The following CLVS1 variants were observed in gnomAD, a reference collection of about 807,000 sequenced individuals.
CLVS1 encodes the protein clavesin-1.
Under a neutral mutation model 33.1 loss-of-function variants are expected in CLVS1, and 10 were observed. The ratio of observed to expected loss-of-function variants is 0.30; its 90% CI spans 0.19 to 0.51. CLVS1 has a LOEUF of 0.51. Ranked by LOEUF, CLVS1 falls within the 20% of genes least tolerant of loss-of-function variation. The probability of loss-of-function intolerance (pLI) is 0.97; values close to 1 mark genes in which losing one functional copy is unlikely to be tolerated. For synonymous variants in CLVS1, 163 were observed against 166.1 expected (o/e 0.98, Z 0.14); for missense variants, 343 against 433.4 (o/e 0.79, Z 1.85).
At position 61,481,215 on chromosome 8, in the gene CLVS1, T is replaced by A. The variant is rs553181379; in HGVS notation, c.978-18240T>A. Among the ~76,000 whole-genome samples, 3 of 152,148 alleles carry A rather than the reference T, an allele frequency of 2.0e-5. No homozygotes were observed. The East Asian group carries it at 5.8e-4, about 29-fold the overall frequency. On this transcript the variant is annotated intron_variant, in intron 5 of 5. Transcript: ENST00000325897. ...ATCTCCCTGAGCCCTAGCTCTGCAATTTGGTGTATAAAAAATAAAATAGGG... is the reference window on the plus strand; with the variant it reads ...ATCTCCCTGAGCCCTAGCTCTGCAAATTGGTGTATAAAAAATAAAATAGGG...
intron 3 of CLVS1, among the ~76,000 whole-genome samples, chr8:61,406,810 T>C (rs1295092116): frequency 6.6e-6 from 1 of 152,168 alleles, no homozygotes; most frequent in African/African-American, 2.4e-5. Context: ...GGTTTCACTG[T>C]GTTGCCCAGG....
chr8:61,088,254 C>T (rs996307410), intron 1 of CLVS1, among the ~76,000 whole-genome samples: 9 of 152,024 alleles, frequency 5.9e-5, no homozygotes, highest in South Asian at 4.2e-4. Flanking sequence ...TTTGGGAGAC[C>T]GAGGTGGGCA....
chr8:61,376,284 T>G (rs2129601539), intron 2 of CLVS1, among the ~76,000 whole-genome samples: 1 of 152,114 alleles, frequency 6.6e-6, no homozygotes, highest in East Asian at 1.9e-4. Flanking sequence ...GGGAGAAAGA[T>G]GGGTAAGGGA....
At chr8:61,119,411 C>G (rs1191799154) in intron 1 of CLVS1, among the ~76,000 whole-genome samples, 1 of 149,064 alleles carries the variant, frequency 6.7e-6, no homozygotes, top group Non-Finnish European at 1.5e-5. Context: ...TTGATCCTGT[C>G]ATTATGATGT....
rs570692877 is a variant in CLVS1 at position 61,500,163 on chromosome 8, A to G, written c.*621A>G. The G allele has an allele frequency of 6.5e-6, 1 of 152,712 alleles. No homozygotes were observed. The highest frequency in any genetic ancestry group is 1.9e-4 in the East Asian group (1 of 5,192). The allele number at this position is 152,712 out of a possible 1,614,324, so 9.5% of individuals were successfully genotyped here. On this transcript the variant is annotated 3_prime_UTR_variant, in exon 6 of 6. Transcript: ENST00000325897. ...CTGCAAAAAATTATTTTGATGTCAC[A>G]TCTCTTGTCAGGTCACTAGCTGACT...
chr8:61,038,747 CA>C, the CLVS1 span, among the ~76,000 whole-genome samples: 584 of 152,254 alleles, frequency 3.8e-3, no homozygotes, highest in Non-Finnish European at 6.2e-3. Flanking sequence ...GCCTGTTCAT[CA>C]AAGCCATTTC....
At chr8:61,240,725 C>CTTTCATTA (rs1554549246) in intron 2 of CLVS1, among the ~76,000 whole-genome samples, 44 of 152,022 alleles carry the variant, frequency 2.9e-4, no homozygotes, top group African/African-American at 8.2e-4. Flanking sequence ...AATACTAACA[C>CTTTCATTA]TTTTATTATT....
At chr8:61,197,269 A>G (rs1563441151) in intron 2 of CLVS1, among the ~76,000 whole-genome samples, 1 of 152,144 alleles carries the variant, frequency 6.6e-6, no homozygotes. Context: ...AGCACCATGT[A>G]TTGAAGAGAC....
intron 2 of CLVS1, among the ~76,000 whole-genome samples, chr8:61,184,992 A>T (rs1016505069): frequency 6.6e-6 from 1 of 152,218 alleles, no homozygotes; most frequent in Non-Finnish European, 1.5e-5. Flanking sequence ...GTGTATATTT[A>T]TGTTTACATG....
chr8:61,342,918 A>C (rs1429003875), intron 2 of CLVS1, among the ~76,000 whole-genome samples: 1 of 152,232 alleles, frequency 6.6e-6, no homozygotes, highest in Non-Finnish European at 1.5e-5. Flanking sequence ...AAAATGATCA[A>C]AGGAAATCAC....
the CLVS1 span, among the ~76,000 whole-genome samples, chr8:61,045,973 G>T: frequency 6.6e-6 from 1 of 152,238 alleles, no homozygotes; most frequent in East Asian, 1.9e-4. Context: ...CTTTTGCTGT[G>T]CAGAAGCTCT....
chr8:61,037,546 G>A, the CLVS1 span, among the ~76,000 whole-genome samples: 108 of 152,308 alleles, frequency 7.1e-4, 1 homozygote, highest in East Asian at 0.018. Flanking sequence ...ATGGACATGC[G>A]TGTTGTTTCC....
intron 2 of CLVS1, among the ~76,000 whole-genome samples, chr8:61,204,957 C>G (rs1157506590): frequency 6.6e-6 from 1 of 152,084 alleles, no homozygotes; most frequent in African/African-American, 2.4e-5. Context: ...AATGGTTGAA[C>G]TTTTCATAAA....
At chr8:61,082,142 A>G (rs951593093) in intron 1 of CLVS1, among the ~76,000 whole-genome samples, 2 of 45,324 alleles carry the variant, frequency 4.4e-5, no homozygotes. Context: ...TACTAGCAAT[A>G]AAAAAAAATT....
chr8:61,180,944 C>A (rs889218783), intron 2 of CLVS1, among the ~76,000 whole-genome samples: 4 of 152,088 alleles, frequency 2.6e-5, no homozygotes, highest in Non-Finnish European at 5.9e-5. Flanking sequence ...AAGGATGTCC[C>A]CTCTCACCAC....
rs924290983 is a variant in CLVS1 at position 61,500,118 on chromosome 8, T to C, written c.*576T>C. 5 of 152,646 alleles carry C rather than the reference T, an allele frequency of 3.3e-5. No individual in the cohort carries two copies. Among genetic ancestry groups the C allele is most frequent in the African/African-American group, 9.6e-5 (4 of 41,460 alleles). 9.5% of individuals were successfully genotyped at this position (152,646 alleles called of 1,614,324 possible). ...TCATAGGTCTGGGTATTTGCAAAGT[T>C]TGCTTATTTTGATGATATCCTGCAA... On this transcript the variant is annotated 3_prime_UTR_variant, in exon 6 of 6. Coordinates refer to ENST00000325897, the MANE Select transcript of CLVS1 (RefSeq NM_173519.3).
chr8:61,383,873 C>G (rs1350576847), intron 3 of CLVS1, among the ~76,000 whole-genome samples: 1 of 152,204 alleles, frequency 6.6e-6, no homozygotes, highest in Non-Finnish European at 1.5e-5. Context: ...TACTTCCAGC[C>G]AGTCACAAAG....
intron 1 of CLVS1, among the ~76,000 whole-genome samples, chr8:61,106,737 A>G (rs992455941): frequency 1.3e-5 from 2 of 152,242 alleles, no homozygotes; most frequent in Non-Finnish European, 1.5e-5. Flanking sequence ...TGACACAACT[A>G]TGGAAATTTT....
chr8:61,378,732 C>T (rs1333477829), intron 3 of CLVS1, among the ~76,000 whole-genome samples: 1 of 152,184 alleles, frequency 6.6e-6, no homozygotes, highest in African/African-American at 2.4e-5. Flanking sequence ...TGCTCTTGCC[C>T]ACAGTGGATG....
Sources: allele counts gnomAD v4.1 joint callset (sites outside exome capture counted in the v4.1 genomes callset), GRCh38; gene constraint gnomAD v4.1.1; transcripts MANE v1.5; gene names NCBI Gene and HGNC (gene_info 2026-07-23, HGNC 2026-07-21).